Variants in LY86 observed in about 807,000 individuals in gnomAD.
LY86 encodes lymphocyte antigen 86.
LY86 carries 20 observed loss-of-function variants against 17.3 expected under a neutral mutation model. The observed-to-expected ratio is 1.15, with a 90% CI of 0.81 to 1.68. The LOEUF is 1.68. LY86 is among the 40% of genes most tolerant of loss of function. LY86 has a pLI of 0.00. For synonymous variants in LY86, 74 were observed against 70.6 expected (o/e 1.05, Z -0.24); for missense variants, 200 against 191.9 (o/e 1.04, Z -0.25).
At chr6:6,611,518 C>G (rs1761331504) in intron 1 of LY86, among the ~76,000 whole-genome samples, 1 of 152,188 alleles carries the variant, frequency 6.6e-6, no homozygotes, top group Non-Finnish European at 1.5e-5. Flanking sequence ...TCTGTAATTA[C>G]TGCAAGTATT....
chr6:6,609,373 A>G (rs1761275716), intron 1 of LY86, among the ~76,000 whole-genome samples: 1 of 152,232 alleles, frequency 6.6e-6, no homozygotes, highest in African/African-American at 2.4e-5. Flanking sequence ...TTCAAGACAT[A>G]CGGGTGGGAA....
chr6:6,610,917 A>G (rs534669369), intron 1 of LY86, among the ~76,000 whole-genome samples: 1 of 152,334 alleles, frequency 6.6e-6, no homozygotes, highest in East Asian at 1.9e-4. Context: ...AGAAATTTGT[A>G]TTTTGCCAAG....
intron 1 of LY86, among the ~76,000 whole-genome samples, chr6:6,603,240 T>C (rs1436741902): frequency 6.6e-6 from 1 of 152,108 alleles, no homozygotes; most frequent in African/African-American, 2.4e-5. Flanking sequence ...GGTTTTAACA[T>C]ATAAATCTGG....
intron 1 of LY86, among the ~76,000 whole-genome samples, chr6:6,605,239 T>C (rs184622530): frequency 1.3e-5 from 2 of 152,300 alleles, no homozygotes; most frequent in African/African-American, 2.4e-5. Flanking sequence ...TACCCTAAAA[T>C]TTGGCAGTTA....
intron 1 of LY86, among the ~76,000 whole-genome samples, chr6:6,617,814 G>T (rs1424591979): frequency 6.6e-6 from 1 of 152,032 alleles, no homozygotes; most frequent in East Asian, 1.9e-4. Flanking sequence ...AGTGCATTTG[G>T]TTTTTTTGTT....
intron 1 of LY86, among the ~76,000 whole-genome samples, chr6:6,624,282 G>C (rs1283559004): frequency 1.3e-5 from 2 of 148,672 alleles, no homozygotes; most frequent in East Asian, 3.9e-4. Flanking sequence ...AGCAGAAGTT[G>C]TATGCAGAAA....
intron 4 of LY86, among the ~76,000 whole-genome samples, chr6:6,650,682 T>C (rs1465329124): frequency 1.3e-5 from 2 of 152,236 alleles, no homozygotes; most frequent in Non-Finnish European, 2.9e-5. Context: ...TGCATGCTGA[T>C]GTATTCAGTA....
At chr6:6,601,430 T>C (rs17142367) in intron 1 of LY86, among the ~76,000 whole-genome samples, 13,200 of 152,148 alleles carry the variant, frequency 0.087, 1,589 homozygotes, top group African/African-American at 0.27. Flanking sequence ...GCAGTTGCAA[T>C]ATACACTAGA....
In LY86 at chr6:6,654,079, C is replaced by A. The variant is rs186144347; in HGVS notation, c.406-465C>A. On this transcript the variant is annotated intron_variant, in intron 4 of 4. Transcript: ENST00000230568. The stretch of plus-strand genomic sequence containing the variant: ...AGTCTGGCCTCCTGTGTTGCCCTTA[C>A]CTCACCCCCCCCATCCCCCCACTCC... Among the ~76,000 whole-genome samples, 361 of 144,284 alleles carry A rather than the reference C, an allele frequency of 2.5e-3. 3 individuals are homozygous for A. Among genetic ancestry groups the A allele is most frequent in the African/African-American group, 9.1e-3 (351 of 38,470 alleles). 94.7% of individuals were successfully genotyped at this position (144,284 alleles called of 152,430 possible).
At chr6:6,596,474 A>G (rs1365624881) in intron 1 of LY86, among the ~76,000 whole-genome samples, 1 of 152,168 alleles carries the variant, frequency 6.6e-6, no homozygotes, top group Non-Finnish European at 1.5e-5. Context: ...ACAGACAGCA[A>G]TTTCTCTCTT....
At chr6:6,634,656 T>C (rs529063927) in intron 3 of LY86, among the ~76,000 whole-genome samples, 1 of 152,370 alleles carries the variant, frequency 6.6e-6, no homozygotes, top group African/African-American at 2.4e-5. Context: ...CACTAGGACC[T>C]GTGATCCTCC....
chr6:6,605,382 G>T (rs1247513500), intron 1 of LY86, among the ~76,000 whole-genome samples: 2 of 152,234 alleles, frequency 1.3e-5, no homozygotes, highest in Non-Finnish European at 2.9e-5. Context: ...GGGAGCAGCT[G>T]CTTCCAAACT....
intron 1 of LY86, among the ~76,000 whole-genome samples, chr6:6,591,791 G>A (rs556739668): frequency 1.5e-4 from 23 of 152,302 alleles, no homozygotes; most frequent in East Asian, 7.7e-4. Flanking sequence ...AAAACTCCCT[G>A]TGGTCTAGAG....
intron 1 of LY86, among the ~76,000 whole-genome samples, chr6:6,600,818 A>C (rs535862573): frequency 6.6e-6 from 1 of 152,220 alleles, no homozygotes; most frequent in South Asian, 2.1e-4. Context: ...TGGATGTAGG[A>C]TATTTTCCTA....
intron 3 of LY86, among the ~76,000 whole-genome samples, chr6:6,640,279 C>T (rs1581251232): frequency 6.6e-6 from 1 of 151,652 alleles, no homozygotes; most frequent in African/African-American, 2.4e-5. Flanking sequence ...AGGGAGAGGC[C>T]GGGTGCAGTG....
chr6:6,639,552 G>A (rs910832948), intron 3 of LY86, among the ~76,000 whole-genome samples: 10 of 152,114 alleles, frequency 6.6e-5, no homozygotes, highest in Non-Finnish European at 1.0e-4. Context: ...CGGCTTTCTC[G>A]CCTTTTTCAG....
In LY86 at chr6:6,609,375, G is replaced by A. The variant is rs142052587; in HGVS notation, c.137-15551G>A. 3.0e-4 allele frequency among the ~76,000 whole-genome samples: 45 copies of A among 152,326 alleles called. 1 individual carries two copies. In the East Asian group the frequency reaches 7.5e-3, roughly 25 times the overall value. Reference sequence around the variant, plus strand: ...TCCCTGGTTCCAGTTCAAGACATACGGGTGGGAACTCCCACTGGGTATCCA... The same window carrying A: ...TCCCTGGTTCCAGTTCAAGACATACAGGTGGGAACTCCCACTGGGTATCCA... On this transcript the variant is annotated intron_variant, in intron 1 of 4. Coordinates refer to ENST00000230568, the MANE Select transcript of LY86 (RefSeq NM_004271.4).
chr6:6,594,487 C>A (rs2113075228), intron 1 of LY86, among the ~76,000 whole-genome samples: 1 of 152,254 alleles, frequency 6.6e-6, no homozygotes, highest in South Asian at 2.1e-4. Context: ...GTGACAGTGA[C>A]CACATGGCAA....
intron 3 of LY86, among the ~76,000 whole-genome samples, chr6:6,640,946 A>G (rs74698072): frequency 0.053 from 8,075 of 152,320 alleles, 291 homozygotes; most frequent in African/African-American, 0.096. Context: ...ATGCCTCGTC[A>G]AACGGACAGG....
Sources: gnomAD v4.1 joint callset for allele counts (sites outside exome capture counted in the v4.1 genomes callset) on GRCh38, gnomAD v4.1.1 for gene constraint, MANE v1.5 for transcripts, NCBI Gene and HGNC (gene_info 2026-07-23, HGNC 2026-07-21) for gene names.